The following NINJ2 variants were observed in gnomAD, a reference collection of about 807,000 sequenced individuals.
NINJ2 encodes ninjurin-2.
In NINJ2, 12 loss-of-function variants were observed where a neutral mutation model predicts 11.7. The observed-to-expected ratio is 1.02, with a 90% CI of 0.66 to 1.66. The LOEUF (loss-of-function observed/expected upper bound fraction) is 1.66. Ranked by LOEUF, NINJ2 falls within the 40% of genes most tolerant of loss-of-function variation. The probability of loss-of-function intolerance (pLI) is 0.00; values close to 1 mark genes in which losing one functional copy is unlikely to be tolerated. For synonymous variants in NINJ2, 93 were observed against 76.8 expected, an observed-to-expected ratio of 1.21 and a Z score of -1.10; for missense variants, 187 against 181.8, an observed-to-expected ratio of 1.03 and a Z score of -0.16.
rs943574409 is a variant in NINJ2 at position 614,340 on chromosome 12, C to A, written c.34-48162G>T. The stretch of plus-strand genomic sequence containing the variant: ...ATGAGGGAGAGGACTGTGTGTAGGT[C>A]CAGGGACTTGGTCTTGGGAGAACAT... On this transcript the variant is annotated intron_variant, in intron 1 of 3. Transcript: ENST00000305108. This position sits in a 1 kb window ranked among gnomAD's most constrained non-coding sequence, Gnocchi z 5.1. Among the ~76,000 whole-genome samples the A allele has an allele frequency of 6.6e-6, 1 of 152,144 alleles. No individual in the cohort carries two copies. The highest frequency in any genetic ancestry group is 2.4e-5 in the African/African-American group (1 of 41,418).
At chr12:566,243 A>G (rs1947300284) in intron 1 of NINJ2, 65 bp from the exon 2 acceptor site, 1 of 1,315,798 alleles carries the variant, frequency 7.6e-7, no homozygotes, top group Admixed American at 2.1e-5. Flanking sequence ...GAGAGGTGGG[A>G]GAGAGGAGAG....
In NINJ2 at chr12:609,765, T is replaced by C. The variant is rs1288710417; in HGVS notation, c.34-43587A>G. ...CAGCCTGGGCAACAGAGTGAGACTC[T>C]GCCTCAAAAAAAAAAAAAAAAATAG... On this transcript the variant is annotated intron_variant, in intron 1 of 3. Transcript: ENST00000305108. Among the ~76,000 whole-genome samples, 10 of 72,714 alleles carry C rather than the reference T, an allele frequency of 1.4e-4. No individual in the cohort carries two copies. In the Admixed American group the frequency reaches 1.5e-3, roughly 11 times the overall value. The allele number at this position is 72,714 out of a possible 152,430, so 47.7% of individuals were successfully genotyped here.
intron 1 of NINJ2, among the ~76,000 whole-genome samples, chr12:594,824 A>G (rs1295972366): frequency 6.6e-6 from 1 of 152,206 alleles, no homozygotes. Context: ...ATATCAACAA[A>G]CCGATTCTAA....
At chr12:593,847 C>CT (rs1397741490) in intron 1 of NINJ2, among the ~76,000 whole-genome samples, 1 of 152,120 alleles carries the variant, frequency 6.6e-6, no homozygotes, top group East Asian at 1.9e-4. Context: ...GCAGCAGCAT[C>CT]ACCAACTTAT....
intron 1 of NINJ2, among the ~76,000 whole-genome samples, chr12:575,140 T>C (rs1300121757): frequency 6.6e-6 from 1 of 152,244 alleles, no homozygotes; most frequent in Non-Finnish European, 1.5e-5. Context: ...CCTGTACCCA[T>C]TGGGCAGCCT....
chr12:600,653 G>GGTGTGTGTGT (rs58255968), intron 1 of NINJ2, among the ~76,000 whole-genome samples: 4 of 141,950 alleles, frequency 2.8e-5, no homozygotes, highest in African/African-American at 8.1e-5. Flanking sequence ...ATTTTTTTGG[G>GGTGTGTGTGT]GTGTGTGTGT....
At position 585,966 on chromosome 12, in the gene NINJ2, C is replaced by T. The variant is rs1947631936; in HGVS notation, c.34-19788G>A. On this transcript the variant is annotated intron_variant, in intron 1 of 3. Transcript: ENST00000305108. The surrounding 1 kb of genome is among the most constrained non-coding windows in gnomAD (Gnocchi z 4.1). Reference sequence around the variant, plus strand: ...TGTTCTTCTGGTAATCACAGAAGCTCTGCGCTGGGAACCAGTACCCTAACA... The same window carrying T: ...TGTTCTTCTGGTAATCACAGAAGCTTTGCGCTGGGAACCAGTACCCTAACA... The T allele has an allele frequency of 6.6e-6, 1 of 152,158 alleles. No individual in the cohort carries two copies. 9.4% of individuals were successfully genotyped at this position (152,158 alleles called of 1,614,324 possible). A position where few individuals can be genotyped will look rare whatever the true frequency, so the allele number is the denominator to read the frequency against.
Position 601,195 on chromosome 12 carries a change from G to A in NINJ2, c.34-35017C>T, listed in dbSNP as rs78901284. On this transcript the variant is annotated intron_variant, in intron 1 of 3. Transcript: ENST00000305108. ...TTAGAATGCATGTAACTAGGTAGCT[G>A]CTTTTTGTATTATTTACTATGAATT... 4.8e-3 allele frequency among the ~76,000 whole-genome samples: 732 copies of A among 152,188 alleles called. 2 individuals are homozygous for A. Among genetic ancestry groups the A allele is most frequent in the Middle Eastern group, 0.014 (4 of 294 alleles).
chr12:583,563 G>C (rs574200641), intron 1 of NINJ2, among the ~76,000 whole-genome samples: 6 of 152,368 alleles, frequency 3.9e-5, no homozygotes, highest in Admixed American at 2.0e-4. Flanking sequence ...TTTGGCAGAG[G>C]TGGGGACTCC....
intron 1 of NINJ2, among the ~76,000 whole-genome samples, chr12:639,359 C>G (rs1289536296): frequency 1.3e-5 from 2 of 152,228 alleles, no homozygotes; most frequent in South Asian, 2.1e-4. Context: ...CACTGAGGCA[C>G]AGAGAGGTGA....
intron 1 of NINJ2, among the ~76,000 whole-genome samples, chr12:584,504 C>A (rs372154157): frequency 4.3e-4 from 66 of 152,096 alleles, no homozygotes; most frequent in Middle Eastern, 6.8e-3. Context: ...AACCCTATCT[C>A]TACTAAAAAT....
At chr12:654,971 A>G (rs1052963474) in intron 1 of NINJ2, among the ~76,000 whole-genome samples, 4 of 152,192 alleles carry the variant, frequency 2.6e-5, no homozygotes, top group African/African-American at 9.6e-5. Context: ...CTAAAAAAGA[A>G]AAATCACATG....
chr12:662,519 A>T (rs1937971770), intron 1 of NINJ2, among the ~76,000 whole-genome samples: 1 of 152,180 alleles, frequency 6.6e-6, no homozygotes, highest in South Asian at 2.1e-4. Context: ...TTGTTCGAGG[A>T]CCAGGTTCAG....
intron 1 of NINJ2, among the ~76,000 whole-genome samples, chr12:613,803 G>A (rs1231280837): frequency 6.6e-6 from 1 of 152,142 alleles, no homozygotes; most frequent in Non-Finnish European, 1.5e-5. Flanking sequence ...TACTCAGGAG[G>A]CTGAGGCAGG....
intron 1 of NINJ2, chr12:644,239 A>C (rs1164538553): frequency 6.5e-6 from 1 of 152,702 alleles, no homozygotes; most frequent in Non-Finnish European, 1.5e-5. Flanking sequence ...CCTCAAACCT[A>C]AATGTGGGCC....
chr12:627,421 G>C (rs1948221990), intron 1 of NINJ2, among the ~76,000 whole-genome samples: 1 of 152,146 alleles, frequency 6.6e-6, no homozygotes, highest in Non-Finnish European at 1.5e-5. Flanking sequence ...ATGAAATAGA[G>C]AACTAGGAAA....
chr12:636,589 AAAG>A (rs1309169433), intron 1 of NINJ2, among the ~76,000 whole-genome samples: 3 of 152,270 alleles, frequency 2.0e-5, no homozygotes, highest in African/African-American at 2.4e-5. Context: ...ACATTTCTCC[AAAG>A]AAGACACACA....
At chr12:587,159 G>A (rs2120858601) in intron 1 of NINJ2, among the ~76,000 whole-genome samples, 1 of 152,326 alleles carries the variant, frequency 6.6e-6, no homozygotes, top group South Asian at 2.1e-4. Context: ...GGGTTCAATA[G>A]TATTGGACTA....
At chr12:584,674 C>T (rs1432871663) in intron 1 of NINJ2, among the ~76,000 whole-genome samples, 2 of 151,928 alleles carry the variant, frequency 1.3e-5, no homozygotes, top group Non-Finnish European at 2.9e-5. Flanking sequence ...GGTGTGGTGG[C>T]GGGTGCCTGT....
Sources: allele counts gnomAD v4.1 joint callset (sites outside exome capture counted in the v4.1 genomes callset), GRCh38; gene constraint gnomAD v4.1.1; non-coding constraint Gnocchi (gnomAD v3.1); transcripts MANE v1.5; gene names NCBI Gene and HGNC (gene_info 2026-07-23, HGNC 2026-07-21).